Variants in RBMS2 observed in about 807,000 individuals in gnomAD.
RBMS2 encodes RNA binding motif single stranded interacting protein 2.
In RBMS2, 38 loss-of-function variants were observed where a neutral mutation model predicts 58.4. The ratio of observed to expected loss-of-function variants is 0.65; its 90% CI spans 0.50 to 0.85. The LOEUF (loss-of-function observed/expected upper bound fraction) is 0.85, where lower values mean the gene tolerates loss of function less well. RBMS2 is among the 40% of genes least tolerant of loss of function. The pLI is 0.00. For missense variants in RBMS2, 367 were observed against 503.7 expected (o/e 0.73, Z 2.60); for synonymous variants, 151 against 180.7 (o/e 0.84, Z 1.32).
At chr12:56,560,133 G>A (rs1377849873) in intron 1 of RBMS2, among the ~76,000 whole-genome samples, 1 of 151,760 alleles carries the variant, frequency 6.6e-6, no homozygotes, top group African/African-American at 2.4e-5. Flanking sequence ...GACCTCAAAT[G>A]ATCCACCCGC....
At chr12:56,542,324 CA>C (rs1389559995) in intron 1 of RBMS2, among the ~76,000 whole-genome samples, 2 of 151,974 alleles carry the variant, frequency 1.3e-5, no homozygotes, top group African/African-American at 2.4e-5. Context: ...CTTGGCCTCC[CA>C]AAATTCTGTG....
intron 5 of RBMS2, among the ~76,000 whole-genome samples, chr12:56,576,224 G>A (rs908758281): frequency 6.6e-6 from 1 of 151,466 alleles, no homozygotes; most frequent in Admixed American, 6.6e-5. Flanking sequence ...GTAGTCCCAG[G>A]TACTCGGGAG....
At position 56,583,252 on chromosome 12, in the gene RBMS2, A is replaced by G. The variant is rs183328612; in HGVS notation, c.873+1100A>G. Among the ~76,000 whole-genome samples the G allele has an allele frequency of 5.3e-5, 8 of 152,290 alleles. No individual in the cohort carries two copies. The East Asian group carries it at 1.5e-3, about 29-fold the overall frequency. On this transcript the variant is annotated intron_variant, in intron 9 of 13. Coordinates refer to ENST00000262031, the MANE Select transcript of RBMS2 (RefSeq NM_002898.4). Reference sequence around the variant, plus strand: ...GCTATATGGATTTTCAGTTTTATAGATGTTGCCAGATTGCTTTCCACAAAG... The same window carrying G: ...GCTATATGGATTTTCAGTTTTATAGGTGTTGCCAGATTGCTTTCCACAAAG...
At chr12:56,560,917 C>T (rs913271450) in intron 1 of RBMS2, among the ~76,000 whole-genome samples, 7 of 152,110 alleles carry the variant, frequency 4.6e-5, no homozygotes, top group Non-Finnish European at 1.0e-4. Flanking sequence ...CCTCCTCTCA[C>T]CCTCCACCCT....
intron 1 of RBMS2, among the ~76,000 whole-genome samples, chr12:56,558,127 C>G (rs1879613818): frequency 7.5e-6 from 1 of 133,696 alleles, no homozygotes; most frequent in Non-Finnish European, 1.6e-5. Context: ...TCACTGCAAG[C>G]TCTGCCTCCT....
chr12:56,581,329 A>G, intron 6 of RBMS2, 66 bp downstream of exon 6: 1 of 1,590,138 alleles, frequency 6.3e-7, no homozygotes, highest in Non-Finnish European at 8.6e-7. Flanking sequence ...ATTCTGGAGC[A>G]GCTTTGCATG....
chr12:56,578,136 T>A (rs948512157), intron 5 of RBMS2, among the ~76,000 whole-genome samples: 1 of 151,726 alleles, frequency 6.6e-6, no homozygotes, highest in Non-Finnish European at 1.5e-5. Context: ...AATTTTTTTT[T>A]TTATTTTTTT....
At chr12:56,588,567 A>ATGC (rs1358836998) in intron 12 of RBMS2, 193 bp downstream of exon 12, 1 of 601,344 alleles carries the variant, frequency 1.7e-6, no homozygotes, top group African/African-American at 1.9e-5. Context: ...TACAGAGAAG[A>ATGC]TTATGGCCCC....
intron 1 of RBMS2, among the ~76,000 whole-genome samples, chr12:56,531,986 C>T (rs1439970491): frequency 6.6e-6 from 1 of 151,226 alleles, no homozygotes; most frequent in South Asian, 2.1e-4. Flanking sequence ...TTTGGGAGGC[C>T]GAGGTGGGCA....
chr12:56,578,956 T>C (rs1417193751), intron 5 of RBMS2, among the ~76,000 whole-genome samples: 1 of 152,064 alleles, frequency 6.6e-6, no homozygotes, highest in African/African-American at 2.4e-5. Context: ...AGAGCGAGAC[T>C]CCATCTAAAA....
At chr12:56,580,378 A>T in intron 5 of RBMS2, 1 of 329,954 alleles carries the variant, frequency 3.0e-6, no homozygotes, top group Non-Finnish European at 5.9e-6. Flanking sequence ...GACTACAGGC[A>T]AGTGCCACCA....
chr12:56,583,631 G>A (rs917681229), intron 9 of RBMS2, among the ~76,000 whole-genome samples: 2 of 148,944 alleles, frequency 1.3e-5, no homozygotes, highest in African/African-American at 4.9e-5. Context: ...TCCAGCCTGG[G>A]CGACAAGAGT....
intron 5 of RBMS2, among the ~76,000 whole-genome samples, chr12:56,580,932 T>A (rs1883857179): frequency 6.6e-6 from 1 of 152,190 alleles, no homozygotes; most frequent in South Asian, 2.1e-4. Flanking sequence ...AGAGGGCCCA[T>A]GTTAATAGTC....
intron 9 of RBMS2, among the ~76,000 whole-genome samples, 170 bp downstream of exon 9, chr12:56,582,322 T>C (rs1380268620): frequency 1.3e-5 from 2 of 152,160 alleles, no homozygotes; most frequent in Admixed American, 6.5e-5. Flanking sequence ...ATATATATGG[T>C]ATACAGTTTT....
chr12:56,569,028 G>A lies in RBMS2; in HGVS notation c.287G>A (p.Cys96Tyr), dbSNP rs755700399. ...KAILDKTTNK[C>Y]KGYGFVDFDS... ...ATACTGGACAAGACCACAAACAAATGTAAAGGTGAGAGAACAACTGTCCTT... is the reference window on the plus strand; with the variant it reads ...ATACTGGACAAGACCACAAACAAATATAAAGGTGAGAGAACAACTGTCCTT... Residue 96 changes from cysteine (C) to tyrosine (Y), a missense_variant, in exon 3 of 14, where the codon TGT becomes TAT. By Grantham distance (194) the Cys-to-Tyr change is radical (BLOSUM62 -2). Coordinates refer to ENST00000262031, the MANE Select transcript of RBMS2 (RefSeq NM_002898.4). 1.9e-6 allele frequency: 3 copies of A among 1,612,068 alleles called. No homozygotes were observed. The Admixed American group carries it at 5.0e-5, about 27-fold the overall frequency.
chr12:56,551,960 C>T (rs1878343530), intron 1 of RBMS2, among the ~76,000 whole-genome samples: 1 of 152,076 alleles, frequency 6.6e-6, no homozygotes, highest in Non-Finnish European at 1.5e-5. Context: ...TGGTGGCATG[C>T]GCCTGTAGTC....
intron 5 of RBMS2, among the ~76,000 whole-genome samples, chr12:56,577,451 T>C (rs1205387528): frequency 7.0e-6 from 1 of 143,122 alleles, no homozygotes; most frequent in Admixed American, 6.9e-5. Context: ...AAAATGTTCA[T>C]ACAAAATTAT....
At chr12:56,575,442 A>G (rs1882969104) in intron 5 of RBMS2, among the ~76,000 whole-genome samples, 1 of 151,948 alleles carries the variant, frequency 6.6e-6, no homozygotes, top group African/African-American at 2.4e-5. Context: ...GTCTCAATAA[A>G]TAAATCAATA....
At chr12:56,554,909 A>C (rs1037857466) in intron 1 of RBMS2, among the ~76,000 whole-genome samples, 1 of 152,088 alleles carries the variant, frequency 6.6e-6, no homozygotes, top group Non-Finnish European at 1.5e-5. Context: ...TTATGTATGC[A>C]CTATAATTTA....
Sources: gnomAD v4.1 joint callset for allele counts (sites outside exome capture counted in the v4.1 genomes callset) on GRCh38, gnomAD v4.1.1 for gene constraint, MANE v1.5 for transcripts, NCBI Gene and HGNC (gene_info 2026-07-23, HGNC 2026-07-21) for gene names.